EPB41L3: variants seen among roughly 807,000 people sequenced by gnomAD.
The protein encoded by EPB41L3 is band 4.1-like protein 3.
EPB41L3 carries 57 observed loss-of-function variants against 127.1 expected under a neutral mutation model. The ratio of observed to expected loss-of-function variants is 0.45; its 90% CI spans 0.36 to 0.56. The LOEUF (loss-of-function observed/expected upper bound fraction) is 0.56, where lower values mean the gene tolerates loss of function less well. Among genes scored for constraint, EPB41L3 ranks in the 20% least tolerant of loss-of-function variants. The pLI, the probability that EPB41L3 is intolerant of heterozygous loss-of-function variation, is 0.00. For synonymous variants in EPB41L3, 572 were observed against 549.5 expected (o/e 1.04, Z -0.57); for missense variants, 1,273 against 1,372.2 (o/e 0.93, Z 1.14).
At chr18:5,575,410 T>C (rs2094327241) in intron 3 of EPB41L3, among the ~76,000 whole-genome samples, 1 of 152,022 alleles carries the variant, frequency 6.6e-6, no homozygotes, top group Middle Eastern at 3.4e-3. Context: ...TTTGTTACCA[T>C]GAGATCTGAT....
chr18:5,544,298 T>C (rs912648997), upstream of EPB41L3: 30 of 985,438 alleles, frequency 3.0e-5, no homozygotes, highest in Non-Finnish European at 3.6e-5. Context: ...ACTTAGATGA[T>C]GGCCTGGCCT....
intron 1 of EPB41L3, among the ~76,000 whole-genome samples, chr18:5,520,612 G>C (rs2092950425): frequency 6.8e-6 from 1 of 147,324 alleles, no homozygotes; most frequent in South Asian, 2.1e-4. Flanking sequence ...ACTTACAAAA[G>C]GCAGACAATG....
intron 1 of EPB41L3, chr18:5,540,376 T>C: frequency 1.0e-6 from 1 of 985,450 alleles, no homozygotes; most frequent in Non-Finnish European, 1.2e-6. Context: ...GGAGTCTCAT[T>C]GATTGATCAG....
At chr18:5,592,741 G>T (rs1034722077) in intron 3 of EPB41L3, among the ~76,000 whole-genome samples, 3 of 152,222 alleles carry the variant, frequency 2.0e-5, no homozygotes, top group Non-Finnish European at 4.4e-5. Flanking sequence ...GATTCTACCT[G>T]CACCTGGGAG....
intron 3 of EPB41L3, among the ~76,000 whole-genome samples, chr18:5,464,985 A>G (rs78967434): frequency 0.027 from 4,037 of 152,308 alleles, 85 homozygotes; most frequent in South Asian, 0.096. Context: ...TCCATTCAGG[A>G]TAAGAGACAA....
intron 2 of EPB41L3, among the ~76,000 whole-genome samples, chr18:5,486,400 G>A (rs1345159097): frequency 6.6e-6 from 1 of 151,940 alleles, no homozygotes; most frequent in African/African-American, 2.4e-5. Context: ...AAAACACTGA[G>A]GAAATGCTCC....
chr18:5,432,829 G>C (rs1010821713), intron 8 of EPB41L3, among the ~76,000 whole-genome samples: 25 of 152,178 alleles, frequency 1.6e-4, no homozygotes, highest in African/African-American at 5.8e-4. Context: ...CCTTAGCCTA[G>C]GTGAACTTTA....
chr18:5,559,522 T>C (rs1287709974), intron 3 of EPB41L3, among the ~76,000 whole-genome samples: 1 of 152,220 alleles, frequency 6.6e-6, no homozygotes, highest in African/African-American at 2.4e-5. Flanking sequence ...AGTTTGTCCA[T>C]ACTTTAAGCA....
chr18:5,468,224 A>C (rs1420597802), intron 3 of EPB41L3, among the ~76,000 whole-genome samples: 1 of 152,158 alleles, frequency 6.6e-6, no homozygotes, highest in Non-Finnish European at 1.5e-5. Context: ...GGTGCCCCTC[A>C]GCACAAATAG....
chr18:5,496,312 C>T (rs756205926), intron 1 of EPB41L3, among the ~76,000 whole-genome samples: 4 of 152,196 alleles, frequency 2.6e-5, no homozygotes, highest in Non-Finnish European at 5.9e-5. Flanking sequence ...CAAATGCCAG[C>T]GCATAAATTT....
At chr18:5,586,043 G>A (rs990707732) in intron 3 of EPB41L3, among the ~76,000 whole-genome samples, 3 of 152,042 alleles carry the variant, frequency 2.0e-5, no homozygotes, top group Non-Finnish European at 4.4e-5. Flanking sequence ...TAGCCCTTGG[G>A]GCTCAACACC....
intron 2 of EPB41L3, chr18:5,480,073 A>G (rs2088117040): frequency 1.3e-5 from 2 of 152,050 alleles, no homozygotes; most frequent in African/African-American, 4.8e-5. Flanking sequence ...ATTTTACCTG[A>G]AATCAACATT....
At position 5,395,663 on chromosome 18, in the gene EPB41L3, T is replaced by C; in HGVS notation, c.3018A>G (p.Ala1006=). 7 of 1,614,208 alleles carry C rather than the reference T, an allele frequency of 4.3e-6. No homozygotes were observed. Among genetic ancestry groups the C allele is most frequent in the South Asian group, 1.1e-5 (1 of 91,080 alleles). The change falls in exon 20 of 23, where the codon GCA becomes GCG. Residue 1006 remains alanine, a synonymous_variant. Coordinates refer to ENST00000341928, the MANE Select transcript of EPB41L3 (RefSeq NM_012307.5). ...TDLEPGVLMS[A]QTITSETTST... The stretch of plus-strand genomic sequence containing the variant: ...TGGTGGTTTCAGATGTGATCGTCTG[T>C]GCACTCATCAGCACGCCTGGCTCCA...
chr18:5,480,401 C>T (rs2088200470), intron 2 of EPB41L3, among the ~76,000 whole-genome samples: 1 of 152,114 alleles, frequency 6.6e-6, no homozygotes, highest in Non-Finnish European at 1.5e-5. Context: ...CTCTTTTAAT[C>T]CTCACAGCTC....
intron 3 of EPB41L3, among the ~76,000 whole-genome samples, chr18:5,554,350 G>C (rs558541631): frequency 3.3e-5 from 5 of 152,274 alleles, no homozygotes; most frequent in African/African-American, 1.2e-4. Flanking sequence ...AAAAAGCTCA[G>C]AGATTATAAA....
chr18:5,583,650 T>A (rs1475504475), intron 3 of EPB41L3, among the ~76,000 whole-genome samples: 1 of 152,256 alleles, frequency 6.6e-6, no homozygotes, highest in African/African-American at 2.4e-5. Flanking sequence ...AAATGATTCA[T>A]ATATTTAATG....
intron 3 of EPB41L3, among the ~76,000 whole-genome samples, chr18:5,462,023 T>C (rs1179596531): frequency 6.6e-6 from 1 of 152,200 alleles, no homozygotes; most frequent in East Asian, 1.9e-4. Context: ...AGGGTATTAT[T>C]ACAGCCCCAA....
intron 1 of EPB41L3, among the ~76,000 whole-genome samples, chr18:5,489,801 G>A (rs1293115761): frequency 6.6e-6 from 1 of 152,188 alleles, no homozygotes; most frequent in East Asian, 1.9e-4. Context: ...CAGGGGCACA[G>A]GCAGGATCAC....
intron 8 of EPB41L3, among the ~76,000 whole-genome samples, chr18:5,431,554 T>G (rs1295467813): frequency 6.6e-6 from 1 of 152,244 alleles, no homozygotes. Context: ...TCTGTAGCTA[T>G]AGCAATGTTA....
Sources: allele counts gnomAD v4.1 joint callset (sites outside exome capture counted in the v4.1 genomes callset), GRCh38; gene constraint gnomAD v4.1.1; transcripts MANE v1.5; gene names NCBI Gene and HGNC (gene_info 2026-07-23, HGNC 2026-07-21).